Variants in OTX1 observed in about 807,000 individuals in gnomAD.
OTX1 encodes the protein homeobox protein OTX1.
A neutral mutation model predicts 26.7 loss-of-function variants in OTX1; 7 were observed. The ratio of observed to expected loss-of-function variants is 0.26; its 90% CI spans 0.15 to 0.49. OTX1 has a LOEUF of 0.49. Ranked by LOEUF, OTX1 falls within the 20% of genes least tolerant of loss-of-function variation. OTX1 has a pLI of 0.98. For synonymous variants in OTX1, 216 were observed against 212.8 expected (o/e 1.01, Z -0.13); for missense variants, 414 against 483.8 (o/e 0.86, Z 1.35).
chr2:63,054,798 C>G (rs1340128098), intron 4 of OTX1, among the ~76,000 whole-genome samples: 1 of 152,220 alleles, frequency 6.6e-6, no homozygotes, highest in East Asian at 1.9e-4. Flanking sequence ...GTCTCGCCTC[C>G]TTTACTCGAA....
upstream of OTX1, chr2:63,050,273 G>A (rs571573492): frequency 6.6e-6 from 1 of 152,222 alleles, no homozygotes; most frequent in Non-Finnish European, 1.5e-5. Flanking sequence ...GCGCCGGCAC[G>A]AGCAGCCCGC....
Position 63,053,013 on chromosome 2 carries a change from C to A in OTX1, c.23C>A (p.Pro8His), listed in dbSNP as rs1374570383. Residue 8 changes from proline (P) to histidine (H), a missense_variant, in exon 3 of 5, where the codon CCC (proline) becomes CAC (histidine). Physicochemically the swap from Pro to His is moderately conservative, Grantham distance 77 (BLOSUM62 -2). This residue lies in a region of OTX1 where 48 missense variants were observed against 41.6 expected (regional missense o/e 1.15). Coordinates refer to ENST00000282549, the MANE Select transcript of OTX1 (RefSeq NM_014562.4). MMSYLKQ[P>H]PYGMNGLGLA... ...AGCATGATGTCTTACCTCAAACAAC[C>A]CCCATACGGCATGAACGGGCTGGGC... 6.2e-7 allele frequency: 1 copy of A among 1,610,450 alleles called. No homozygotes were observed. Among genetic ancestry groups the A allele is most frequent in the South Asian group, 1.1e-5 (1 of 91,054 alleles).
Position 63,055,975 on chromosome 2 carries a change from T to C in OTX1, c.724T>C (p.Tyr242His). 1 of 1,613,768 alleles carries C rather than the reference T, an allele frequency of 6.2e-7. No individual in the cohort carries two copies. The highest frequency in any genetic ancestry group is 8.5e-7 in the Non-Finnish European group (1 of 1,180,032). ...GQGYPTPSSS[Y>H]FGGVDCSSYL... ...AGGCTACCCTACGCCCTCCTCTTCCTACTTTGGCGGCGTGGACTGCAGCTC... is the reference window on the plus strand; with the variant it reads ...AGGCTACCCTACGCCCTCCTCTTCCCACTTTGGCGGCGTGGACTGCAGCTC... Residue 242 changes from tyrosine to histidine, a missense_variant, in exon 5 of 5, where the codon TAC becomes CAC. Tyr to His is a moderately conservative substitution (Grantham distance 83, BLOSUM62 2). This residue lies in a region of OTX1 where 320 missense variants were observed against 347.9 expected (regional missense o/e 0.92). Transcript: ENST00000282549. The surrounding 1 kb of genome is among the most constrained non-coding windows in gnomAD (Gnocchi z 5.2).
At position 63,053,900 on chromosome 2, in the gene OTX1, C is replaced by G. The variant is rs143529884; in HGVS notation, c.98-147C>G. 27 of 906,192 alleles carry G rather than the reference C, an allele frequency of 3.0e-5. No individual in the cohort carries two copies. The African/African-American group carries it at 4.5e-4, about 15-fold the overall frequency. 56.1% of individuals were successfully genotyped at this position (906,192 alleles called of 1,614,324 possible). On this transcript the variant is annotated intron_variant, in intron 3 of 4. Coordinates refer to ENST00000282549, the MANE Select transcript of OTX1 (RefSeq NM_014562.4). ...TCTCCCACCTGTGGCCTCTCAGGCT[C>G]GGCCGCCCGAGGGAGTTTCTTTTAT...
At position 63,056,288 on chromosome 2, in the gene OTX1, A is replaced by G. The variant is rs778435833; in HGVS notation, c.1037A>G (p.Gln346Arg). The G allele has an allele frequency of 6.2e-7, 1 of 1,613,796 alleles. No individual in the cohort carries two copies. Among genetic ancestry groups the G allele is most frequent in the South Asian group, 1.1e-5 (1 of 91,072 alleles). Reference protein sequence around the residue: ...NSPDCLDYKDQASWRFQVL With the variant: ...NSPDCLDYKDRASWRFQVL ...CCCGACTGTCTGGACTATAAGGACC[A>G]AGCCTCATGGCGGTTCCAGGTCTTG... The change falls in exon 5 of 5, where the codon CAA (glutamine) becomes CGA (arginine). Residue 346 changes from glutamine (Q) to arginine (R), a missense_variant. By Grantham distance (43) the Gln-to-Arg change is conservative (BLOSUM62 1). Transcript: ENST00000282549.
At chr2:63,053,758 G>A (rs557835552) in intron 3 of OTX1, among the ~76,000 whole-genome samples, 8 of 152,214 alleles carry the variant, frequency 5.3e-5, no homozygotes, top group African/African-American at 1.7e-4. Context: ...AGGGGAGAGG[G>A]GATGTAGAAG....
At chr2:63,053,255 G>C (rs1574628044) in intron 3 of OTX1, 168 bp downstream of exon 3, 2 of 518,968 alleles carry the variant, frequency 3.9e-6, no homozygotes, top group East Asian at 7.0e-5. Context: ...GCATGGGGCA[G>C]AGTCGTGGGC....
At position 63,055,419 on chromosome 2, in the gene OTX1, G is replaced by C. The variant is rs2062056226; in HGVS notation, c.250-82G>C. On this transcript the variant is annotated intron_variant, in intron 4 of 4. Transcript: ENST00000282549. The surrounding 1 kb of genome is among the most constrained non-coding windows in gnomAD (Gnocchi z 5.2). Reference sequence around the variant, plus strand: ...AGAAAGGATTGCGATATTCTGGACCGGGAGTTGGGTCCGCGGGGCGGTGGA... The same window carrying C: ...AGAAAGGATTGCGATATTCTGGACCCGGAGTTGGGTCCGCGGGGCGGTGGA... The C allele has an allele frequency of 1.1e-5, 16 of 1,426,692 alleles. No individual in the cohort carries two copies. Among genetic ancestry groups the C allele is most frequent in the East Asian group, 2.3e-5 (1 of 42,858 alleles). 88.4% of individuals were successfully genotyped at this position (1,426,692 alleles called of 1,614,324 possible). A position where few individuals can be genotyped will look rare whatever the true frequency, so the allele number is the denominator to read the frequency against.
Position 63,055,676 on chromosome 2 carries a change from C to T in OTX1, c.425C>T (p.Ala142Val), listed in dbSNP as rs2062058520. ...VSSSASSSSS[A>V]SSSSANPAAA... ...AGCTCTGCCTCGTCCTCTAGCTCGGCGTCCAGCTCTTCCGCCAACCCAGCG... is the reference window on the plus strand; with the variant it reads ...AGCTCTGCCTCGTCCTCTAGCTCGGTGTCCAGCTCTTCCGCCAACCCAGCG... Residue 142 changes from alanine (A) to valine (V), a missense_variant, in exon 5 of 5, where the codon GCG (alanine) becomes GTG (valine). Ala to Val is a moderately conservative substitution (Grantham distance 64, BLOSUM62 0). Coordinates refer to ENST00000282549, the MANE Select transcript of OTX1 (RefSeq NM_014562.4). This position sits in a 1 kb window ranked among gnomAD's most constrained non-coding sequence, Gnocchi z 5.2. 1.2e-6 allele frequency: 2 copies of T among 1,613,826 alleles called. No homozygotes were observed. Among genetic ancestry groups the T allele is most frequent in the South Asian group, 2.2e-5 (2 of 91,090 alleles).
At chr2:63,053,908 C>G in intron 3 of OTX1, 139 bp from the exon 4 acceptor site, 3 of 1,001,852 alleles carry the variant, frequency 3.0e-6, no homozygotes, top group Non-Finnish European at 4.3e-6. Flanking sequence ...CTCGGCCGCC[C>G]GAGGGAGTTT....
chr2:63,055,722 AGGTG>A lies in OTX1; in HGVS notation c.474_477del (p.Gly159ThrfsTer9). 6.2e-7 allele frequency: 1 copy of A among 1,613,140 alleles called. No individual in the cohort carries two copies. The highest frequency in any genetic ancestry group is 8.5e-7 in the Non-Finnish European group (1 of 1,179,808). ...CAGCGGCTGCAGCGGCTGCGGGACT[AGGTG>A]GGAACCCGGTGGCGGCCGCGTCGTC... On this transcript the variant is annotated frameshift_variant, in exon 5 of 5. Transcript: ENST00000282549. LOFTEE classifies it high-confidence loss of function. This position sits in a 1 kb window ranked among gnomAD's most constrained non-coding sequence, Gnocchi z 5.2.
chr2:63,054,156 G>A lies in OTX1; in HGVS notation c.207G>A (p.Glu69=). ...GCTACCCTGACATCTTCATGCGGGA[G>A]GAGGTGGCGCTCAAGATCAACCTGC... ...KTRYPDIFMR[E]EVALKINLPE... is the part of the protein sequence containing the mutation. The change falls in exon 4 of 5, where the codon GAG becomes GAA. Residue 69 remains glutamate, a synonymous_variant. Transcript: ENST00000282549. The A allele has an allele frequency of 6.2e-7, 1 of 1,610,366 alleles. No homozygotes were observed. Among genetic ancestry groups the A allele is most frequent in the Non-Finnish European group, 8.5e-7 (1 of 1,178,092 alleles).
Position 63,055,852 on chromosome 2 carries a change from A to T in OTX1, c.601A>T (p.Ser201Cys). Residue 201 changes from serine to cysteine, a missense_variant, in exon 5 of 5, where the codon AGC becomes TGC. By Grantham distance (112) the Ser-to-Cys change is moderately radical. This residue lies in a region of OTX1 where 320 missense variants were observed against 347.9 expected (regional missense o/e 0.92). Transcript: ENST00000282549. This position sits in a 1 kb window ranked among gnomAD's most constrained non-coding sequence, Gnocchi z 5.2. ...GGTGCCGGAGCCATTGGCCGCGCCT[A>T]GCAACACCTCGTGTATGCAGCGCTC... ...VSVPEPLAAP[S>C]NTSCMQRSVA... The T allele has an allele frequency of 1.2e-6, 2 of 1,612,282 alleles. No homozygotes were observed. Among genetic ancestry groups the T allele is most frequent in the Non-Finnish European group, 1.7e-6 (2 of 1,179,846 alleles).
chr2:63,054,312 C>G, intron 4 of OTX1, 114 bp downstream of exon 4: 1 of 1,062,810 alleles, frequency 9.4e-7, no homozygotes, highest in Non-Finnish European at 1.3e-6. Context: ...GGTGGGCTTA[C>G]AGACTGGGCA....
chr2:63,055,796 T>A lies in OTX1; in HGVS notation c.545T>A (p.Ile182Asn), dbSNP rs1167346845. 6.2e-6 allele frequency: 10 copies of A among 1,612,216 alleles called. No individual in the cohort carries two copies. The highest frequency in any genetic ancestry group is 8.5e-6 in the Non-Finnish European group (10 of 1,179,680). ...TCATCTATCTGGAGCCCGGCCTCCA[T>A]CTCGCCAGGCTCAGCGCCCGCGTCC... is the stretch of plus-strand genomic sequence containing the variant. ...AASSIWSPAS[I>N]SPGSAPASVS... The change falls in exon 5 of 5, where the codon ATC becomes AAC. Residue 182 changes from isoleucine to asparagine, a missense_variant. Physicochemically the swap from Ile to Asn is moderately radical, Grantham distance 149. Transcript: ENST00000282549. This position sits in a 1 kb window ranked among gnomAD's most constrained non-coding sequence, Gnocchi z 5.2.
In OTX1 at chr2:63,057,501, A is replaced by C. The variant is rs2062076988; in HGVS notation, c.*1185A>C. The C allele has an allele frequency of 6.6e-6, 1 of 152,370 alleles. No individual in the cohort carries two copies. The highest frequency in any genetic ancestry group is 2.1e-4 in the South Asian group (1 of 4,830). 9.4% of individuals were successfully genotyped at this position (152,370 alleles called of 1,614,324 possible). A position where few individuals can be genotyped will look rare whatever the true frequency, so the allele number is the denominator to read the frequency against. On this transcript the variant is annotated 3_prime_UTR_variant, in exon 5 of 5. Coordinates refer to ENST00000282549, the MANE Select transcript of OTX1 (RefSeq NM_014562.4). The stretch of plus-strand genomic sequence containing the variant: ...AAACCAGGGAACAAAACAACAAAAC[A>C]AAACAAAATCCGTAAAAGTACAGCA...
intron 2 of OTX1, chr2:63,051,565 C>G (rs1011724736): frequency 1.3e-5 from 2 of 152,314 alleles, no homozygotes; most frequent in Admixed American, 6.5e-5. Context: ...TGAAAACTCA[C>G]GCTGCAGCTT....
rs1488471479 is a variant in OTX1 at position 63,056,404 on chromosome 2, G to GCCTCGTCTTCT, written c.*91_*101dup. 1 of 1,197,904 alleles carries GCCTCGTCTTCT rather than the reference G, an allele frequency of 8.3e-7. No homozygotes were observed. Among genetic ancestry groups the GCCTCGTCTTCT allele is most frequent in the Non-Finnish European group, 1.2e-6 (1 of 846,262 alleles). 74.2% of individuals were successfully genotyped at this position (1,197,904 alleles called of 1,614,324 possible). A position where few individuals can be genotyped will look rare whatever the true frequency, so the allele number is the denominator to read the frequency against. ...TGCTGCTGCTGCACCGCCCGCCTTT[G>GCCTCGTCTTCT]CCTCGTCTTCTCCAAAACTGAATTT... On this transcript the variant is annotated 3_prime_UTR_variant, in exon 5 of 5. Coordinates refer to ENST00000282549, the MANE Select transcript of OTX1 (RefSeq NM_014562.4).
chr2:63,053,692 C>T (rs2062043579), intron 3 of OTX1: 1 of 227,356 alleles, frequency 4.4e-6, no homozygotes, highest in Non-Finnish European at 8.5e-6. Flanking sequence ...TCCCCACTCC[C>T]TGTCCCCCAT....
Sources: gnomAD v4.1 joint callset for allele counts (sites outside exome capture counted in the v4.1 genomes callset) on GRCh38, gnomAD v4.1.1 for gene constraint, gnomAD v4.1.1 regional missense constraint, Gnocchi (gnomAD v3.1) non-coding constraint, MANE v1.5 for transcripts, NCBI Gene and HGNC (gene_info 2026-07-23, HGNC 2026-07-21) for gene names.